The following TESK2 variants were observed in gnomAD, a reference collection of about 807,000 sequenced individuals.
TESK2 encodes the protein testis associated actin remodelling kinase 2.
In TESK2, 39 loss-of-function variants were observed where a neutral mutation model predicts 57.1. The observed-to-expected ratio is 0.68, with a 90% CI of 0.53 to 0.89. The LOEUF is 0.89. Ranked by LOEUF, TESK2 falls within the 40% of genes least tolerant of loss-of-function variation. The probability of loss-of-function intolerance (pLI) is 0.00; values close to 1 mark genes in which losing one functional copy is unlikely to be tolerated. For synonymous variants in TESK2, 249 were observed against 267.9 expected (o/e 0.93, Z 0.69); for missense variants, 646 against 732.1 (o/e 0.88, Z 1.36).
intron 2 of TESK2, among the ~76,000 whole-genome samples, chr1:45,423,238 A>G (rs74227015): frequency 6.6e-6 from 1 of 152,168 alleles, no homozygotes; most frequent in African/African-American, 2.4e-5. Context: ...CTAAACCCAC[A>G]TACTCAAAGT....
At chr1:45,468,125 G>A (rs1236275306) in intron 1 of TESK2, among the ~76,000 whole-genome samples, 7 of 151,330 alleles carry the variant, frequency 4.6e-5, no homozygotes, top group East Asian at 1.9e-4. Context: ...GCAGTGAGCC[G>A]TGTTTGGGCT....
intron 2 of TESK2, among the ~76,000 whole-genome samples, chr1:45,422,925 G>A (rs947227784): frequency 2.0e-5 from 3 of 149,266 alleles, no homozygotes; most frequent in African/African-American, 5.0e-5. Context: ...GCCTGCCACC[G>A]CGCCCAGCTA....
At chr1:45,382,592 C>T (rs1648708998) in intron 4 of TESK2, among the ~76,000 whole-genome samples, 2 of 152,178 alleles carry the variant, frequency 1.3e-5, no homozygotes, top group East Asian at 1.9e-4. Context: ...GTCAGCTGGC[C>T]GGGCGCGGTG....
chr1:45,429,612 G>C (rs1650865994), intron 2 of TESK2, among the ~76,000 whole-genome samples: 1 of 152,026 alleles, frequency 6.6e-6, no homozygotes, highest in Admixed American at 6.6e-5. Flanking sequence ...TTGAGTTCCT[G>C]CACTAGGCTT....
chr1:45,391,017 A>G (rs1254019366), intron 3 of TESK2, among the ~76,000 whole-genome samples: 1 of 150,422 alleles, frequency 6.6e-6, no homozygotes, highest in East Asian at 1.9e-4. Context: ...TCCCGGGTTC[A>G]TGCCATTCTC....
chr1:45,415,018 A>G, intron 3 of TESK2: 1 of 963,910 alleles, frequency 1.0e-6, no homozygotes, highest in South Asian at 1.3e-5. Flanking sequence ...CCGTACTATC[A>G]GCCATGGTCA....
chr1:45,474,968 A>G (rs1652921718), intron 1 of TESK2, among the ~76,000 whole-genome samples: 1 of 150,510 alleles, frequency 6.6e-6, no homozygotes, highest in South Asian at 2.1e-4. Flanking sequence ...CAATTTTCCT[A>G]GTTAAATATG....
intron 4 of TESK2, among the ~76,000 whole-genome samples, chr1:45,359,965 A>G (rs1031822829): frequency 1.3e-5 from 2 of 152,216 alleles, no homozygotes; most frequent in Non-Finnish European, 2.9e-5. Flanking sequence ...AAAAAGAACC[A>G]GTTGGGGGCA....
chr1:45,381,860 C>CTTTTTTTTT (rs748886310), intron 4 of TESK2, among the ~76,000 whole-genome samples: 3 of 91,926 alleles, frequency 3.3e-5, no homozygotes, highest in East Asian at 3.2e-4. Flanking sequence ...CATTCCTATT[C>CTTTTTTTTT]TTTTTTTTTT....
intron 3 of TESK2, among the ~76,000 whole-genome samples, chr1:45,405,377 G>A (rs1193103406): frequency 1.3e-5 from 2 of 151,868 alleles, no homozygotes; most frequent in Admixed American, 6.6e-5. Context: ...TGTGTATGGT[G>A]GTTTGAAATA....
chr1:45,451,239 ACCCAAGG>A (rs1651856673), intron 2 of TESK2, among the ~76,000 whole-genome samples: 1 of 152,170 alleles, frequency 6.6e-6, no homozygotes, highest in South Asian at 2.1e-4. Flanking sequence ...TAGAGGAAGA[ACCCAAGG>A]CCAAATTATT....
At chr1:45,381,692 G>T (rs1423732417) in intron 4 of TESK2, among the ~76,000 whole-genome samples, 1 of 151,914 alleles carries the variant, frequency 6.6e-6, no homozygotes, top group Admixed American at 6.6e-5. Flanking sequence ...AACGTTTATT[G>T]TATGCTTTTG....
chr1:45,454,359 T>C (rs36019703), intron 2 of TESK2, among the ~76,000 whole-genome samples: 2 of 152,072 alleles, frequency 1.3e-5, no homozygotes, highest in Non-Finnish European at 1.5e-5. Flanking sequence ...TACTTAACAG[T>C]TGTGTTAAGT....
chr1:45,475,453 T>A (rs781065), intron 1 of TESK2, among the ~76,000 whole-genome samples: 1 of 152,006 alleles, frequency 6.6e-6, no homozygotes, highest in South Asian at 2.1e-4. Context: ...GTGATCCACC[T>A]GCCTCAGCCT....
intron 4 of TESK2, among the ~76,000 whole-genome samples, chr1:45,374,515 A>G (rs1423548328): frequency 2.0e-5 from 3 of 151,460 alleles, no homozygotes; most frequent in Non-Finnish European, 2.9e-5. Flanking sequence ...TGAGAGGGAG[A>G]AAAAAAAAGC....
At chr1:45,363,736 CT>C (rs992120027) in intron 4 of TESK2, among the ~76,000 whole-genome samples, 10 of 146,400 alleles carry the variant, frequency 6.8e-5, no homozygotes, top group Admixed American at 6.8e-4. Flanking sequence ...TTTTTTTTTT[CT>C]GTATAAGTAG....
intron 4 of TESK2, among the ~76,000 whole-genome samples, chr1:45,355,807 G>A (rs933453487): frequency 6.6e-6 from 1 of 152,192 alleles, no homozygotes; most frequent in Non-Finnish European, 1.5e-5. Flanking sequence ...TGGAGTAGCA[G>A]GAAAGTAGCA....
intron 4 of TESK2, among the ~76,000 whole-genome samples, chr1:45,357,568 A>G (rs990004353): frequency 7.3e-5 from 11 of 150,580 alleles, no homozygotes; most frequent in African/African-American, 2.2e-4. Context: ...GTAAAAAAAA[A>G]AAAAAAGAAA....
At chr1:45,372,388 C>T (rs999827013) in intron 4 of TESK2, among the ~76,000 whole-genome samples, 2 of 151,478 alleles carry the variant, frequency 1.3e-5, no homozygotes, top group Admixed American at 1.3e-4. Flanking sequence ...GACCAGCCTG[C>T]GCAACATGGT....
Sources: allele counts gnomAD v4.1 joint callset (sites outside exome capture counted in the v4.1 genomes callset), GRCh38; gene constraint gnomAD v4.1.1; transcripts MANE v1.5; gene names NCBI Gene and HGNC (gene_info 2026-07-23, HGNC 2026-07-21).